The following WDFY3 variants were observed in gnomAD, a reference collection of about 807,000 sequenced individuals.
WDFY3 encodes WD repeat and FYVE domain containing 3.
Under a neutral mutation model 409.6 loss-of-function variants are expected in WDFY3, and 66 were observed. That is an observed-to-expected ratio of 0.16 (90% CI 0.13 to 0.20). WDFY3 has a LOEUF of 0.20. Ranked by LOEUF, WDFY3 falls within the 10% of genes least tolerant of loss-of-function variation. WDFY3 has a pLI of 1.00. For synonymous variants in WDFY3, 1,521 were observed against 1,537.1 expected (o/e 0.99, Z 0.25); for missense variants, 3,031 against 4,298.1 (o/e 0.71, Z 8.24).
At chr4:84,708,341 T>C (rs1480486180) in intron 53 of WDFY3, among the ~76,000 whole-genome samples, 2 of 152,172 alleles carry the variant, frequency 1.3e-5, no homozygotes, top group African/African-American at 4.8e-5. Context: ...CATCCACCAA[T>C]AGATGCAAAT....
At chr4:84,790,221 G>C (rs933692949) in intron 21 of WDFY3, among the ~76,000 whole-genome samples, 8 of 151,804 alleles carry the variant, frequency 5.3e-5, no homozygotes, top group Non-Finnish European at 8.8e-5. Flanking sequence ...ATGGTGGCGC[G>C]CGTCTGTAGT....
chr4:84,764,246 T>A (rs1360110458), intron 32 of WDFY3, among the ~76,000 whole-genome samples: 2 of 152,192 alleles, frequency 1.3e-5, no homozygotes, highest in Non-Finnish European at 2.9e-5. Context: ...GAACTCACAT[T>A]CAGTTGTGCC....
At chr4:84,877,640 G>A (rs753493866) in intron 3 of WDFY3, among the ~76,000 whole-genome samples, 8 of 152,134 alleles carry the variant, frequency 5.3e-5, no homozygotes, top group Non-Finnish European at 7.3e-5. Context: ...ATGCCTCACC[G>A]TCTTGGTTCC....
intron 2 of WDFY3, among the ~76,000 whole-genome samples, chr4:84,901,754 G>A (rs1256949835): frequency 4.6e-5 from 7 of 152,144 alleles, no homozygotes; most frequent in Non-Finnish European, 5.9e-5. Context: ...GATGAGATCC[G>A]AAAGTGTTGT....
intron 16 of WDFY3, 129 bp from the exon 17 acceptor site, chr4:84,801,993 G>A (rs1448956581): frequency 4.1e-5 from 36 of 874,666 alleles, no homozygotes; most frequent in Non-Finnish European, 5.8e-5. Context: ...TGTTGTCCAG[G>A]CTGGAGTGCA....
chr4:84,844,268 A>G (rs1578781414), intron 5 of WDFY3, among the ~76,000 whole-genome samples: 1 of 152,304 alleles, frequency 6.6e-6, no homozygotes, highest in Non-Finnish European at 1.5e-5. Context: ...TATGCTTCAC[A>G]ATGATGGTGA....
At chr4:84,778,015 A>T (rs1453475513) in intron 27 of WDFY3, among the ~76,000 whole-genome samples, 1 of 152,146 alleles carries the variant, frequency 6.6e-6, no homozygotes. Context: ...GCCTGAGCAA[A>T]GGGGAAAAAG....
At chr4:84,850,942 T>TG (rs1758895340) in intron 4 of WDFY3, among the ~76,000 whole-genome samples, 1 of 69,102 alleles carries the variant, frequency 1.4e-5, no homozygotes, top group African/African-American at 4.7e-5. Flanking sequence ...TTTTTTTTTT[T>TG]TTTTTTTTTT....
intron 1 of WDFY3, among the ~76,000 whole-genome samples, chr4:84,941,092 CTTTT>C (rs1260806011): frequency 6.6e-6 from 1 of 151,854 alleles, no homozygotes; most frequent in Non-Finnish European, 1.5e-5. Flanking sequence ...AATGCTTTCT[CTTTT>C]TAACATATAC....
chr4:84,863,142 T>C (rs1297170987), intron 3 of WDFY3, among the ~76,000 whole-genome samples: 3 of 152,236 alleles, frequency 2.0e-5, no homozygotes, highest in Non-Finnish European at 1.5e-5. Flanking sequence ...ATTCAGATTA[T>C]TTCCATATCT....
rs1335459752 is a variant in WDFY3 at position 84,725,561 on chromosome 4, G to A, written c.7273-967C>T. On this transcript the variant is annotated intron_variant, in intron 45 of 67. Coordinates refer to ENST00000295888, the MANE Select transcript of WDFY3 (RefSeq NM_014991.6). ...AAGTTTGTATGTATATAGGTTCCTC[G>A]GATCGGAATTAGACCCAGACTATGG... Among the ~76,000 whole-genome samples the A allele has an allele frequency of 6.6e-5, 10 of 152,118 alleles. No individual in the cohort carries two copies. The South Asian group carries it at 1.2e-3, about 19-fold the overall frequency.
chr4:84,739,568 T>C (rs1738041022), intron 39 of WDFY3, among the ~76,000 whole-genome samples: 1 of 152,122 alleles, frequency 6.6e-6, no homozygotes, highest in Non-Finnish European at 1.5e-5. Flanking sequence ...CCAGTAGCAG[T>C]TGTCTCCATT....
intron 56 of WDFY3, among the ~76,000 whole-genome samples, chr4:84,700,306 T>C (rs1490590347): frequency 6.6e-6 from 1 of 152,128 alleles, no homozygotes; most frequent in Non-Finnish European, 1.5e-5. Context: ...TGGGGTAAAG[T>C]GATCCTCCCA....
At chr4:84,691,829 C>G in intron 59 of WDFY3, 44 bp from the exon 60 acceptor site, 1 of 1,529,618 alleles carries the variant, frequency 6.5e-7, no homozygotes, top group Non-Finnish European at 8.9e-7. Context: ...ACAGGAAAAA[C>G]TAATGTCATT....
At chr4:84,878,641 T>C (rs1348647641) in intron 3 of WDFY3, among the ~76,000 whole-genome samples, 1 of 152,216 alleles carries the variant, frequency 6.6e-6, no homozygotes. Flanking sequence ...GATGTTGACA[T>C]GGTTCGAAAT....
At position 84,740,077 on chromosome 4, in the gene WDFY3, T is replaced by C. The variant is rs1297984301; in HGVS notation, c.6464+110A>G. 2.7e-6 allele frequency: 3 copies of C among 1,103,144 alleles called. No homozygotes were observed. The Admixed American group carries it at 7.1e-5, about 26-fold the overall frequency. The allele number at this position is 1,103,144 out of a possible 1,614,324, so 68.3% of individuals were successfully genotyped here. On this transcript the variant is annotated intron_variant, in intron 39 of 67. Coordinates refer to ENST00000295888, the MANE Select transcript of WDFY3 (RefSeq NM_014991.6). ...TTACCTTTTTACATAAAGGTTTAAA[T>C]AAAACAGAGTAAGGGTAAAAGAAAT...
intron 1 of WDFY3, among the ~76,000 whole-genome samples, chr4:84,942,713 C>T (rs550903377): frequency 2.0e-5 from 3 of 152,292 alleles, no homozygotes; most frequent in South Asian, 2.1e-4. Flanking sequence ...CACATATCCT[C>T]GGTAAAATAT....
At chr4:84,880,466 GTTTATGGATTGGCA>G (rs1172619785) in intron 3 of WDFY3, among the ~76,000 whole-genome samples, 2 of 151,194 alleles carry the variant, frequency 1.3e-5, no homozygotes, top group Admixed American at 6.6e-5. Context: ...TAGTAACAGT[GTTTATGGATTGGCA>G]TTATCTGGTT....
intron 4 of WDFY3, among the ~76,000 whole-genome samples, chr4:84,856,897 T>C (rs1160755328): frequency 6.6e-6 from 1 of 152,154 alleles, no homozygotes; most frequent in Non-Finnish European, 1.5e-5. Flanking sequence ...TTGTCACTAG[T>C]GGACAATGTT....
Sources: allele counts gnomAD v4.1 joint callset (sites outside exome capture counted in the v4.1 genomes callset), GRCh38; gene constraint gnomAD v4.1.1; transcripts MANE v1.5; gene names NCBI Gene and HGNC (gene_info 2026-07-23, HGNC 2026-07-21).